The following RNF144A variants were observed in gnomAD, a reference collection of about 807,000 sequenced individuals.
The protein encoded by RNF144A is E3 ubiquitin-protein ligase RNF144A.
Under a neutral mutation model 38.7 loss-of-function variants are expected in RNF144A, and 11 were observed. The observed-to-expected ratio is 0.28, with a 90% CI of 0.18 to 0.47. The LOEUF (loss-of-function observed/expected upper bound fraction) is 0.47. RNF144A is among the 20% of genes least tolerant of loss of function. The pLI is 0.99. For missense variants in RNF144A, 316 were observed against 377.2 expected, an observed-to-expected ratio of 0.84 and a Z score of 1.34; for synonymous variants, 149 against 143.9, an observed-to-expected ratio of 1.04 and a Z score of -0.25.
At chr2:6,969,746 A>G (rs191690345) in intron 2 of RNF144A, among the ~76,000 whole-genome samples, 2 of 152,290 alleles carry the variant, frequency 1.3e-5, no homozygotes, top group African/African-American at 4.8e-5. Flanking sequence ...TTCATGCACA[A>G]AATTGTTACA....
intron 6 of RNF144A, among the ~76,000 whole-genome samples, chr2:7,054,346 A>T (rs549566223): frequency 2.1e-4 from 32 of 152,338 alleles, no homozygotes; most frequent in African/African-American, 7.5e-4. Flanking sequence ...ATATACATAC[A>T]TATGTACATA....
chr2:7,038,686 G>A (rs1021799479), intron 8 of RNF144A, among the ~76,000 whole-genome samples: 2 of 152,174 alleles, frequency 1.3e-5, no homozygotes, highest in African/African-American at 4.8e-5. Flanking sequence ...TGGATATATA[G>A]TGGGCAGATG....
intron 1 of RNF144A, among the ~76,000 whole-genome samples, chr2:6,926,971 A>G (rs746444619): frequency 3.9e-5 from 6 of 152,140 alleles, no homozygotes; most frequent in Non-Finnish European, 7.3e-5. Flanking sequence ...GGGAGAGTTT[A>G]CCGTTCTGGA....
chr2:7,018,065 G>A (rs1671256059), intron 5 of RNF144A, among the ~76,000 whole-genome samples: 1 of 152,204 alleles, frequency 6.6e-6, no homozygotes, highest in African/African-American at 2.4e-5. Context: ...TGAGCCAGGA[G>A]GGTGGACAGG....
chr2:6,965,212 T>G (rs1275164368), intron 2 of RNF144A, among the ~76,000 whole-genome samples: 5 of 152,166 alleles, frequency 3.3e-5, no homozygotes, highest in African/African-American at 7.2e-5. Flanking sequence ...TGCAGACACA[T>G]GCACTGGGAC....
At chr2:7,034,226 C>T (rs937336236) in intron 8 of RNF144A, among the ~76,000 whole-genome samples, 2 of 151,360 alleles carry the variant, frequency 1.3e-5, no homozygotes, top group African/African-American at 2.4e-5. Flanking sequence ...GATCCAAGAT[C>T]GTGCCACTGC....
rs1322041488 is a variant in RNF144A, at chr2:6,944,963, A to G, written c.-12+3816A>G. Reference sequence around the variant, plus strand: ...TAAAGCAGCCTCAATCCAGCCTTCAATGATTGAAGTAGCTAATTTTGAAAT... The same window carrying G: ...TAAAGCAGCCTCAATCCAGCCTTCAGTGATTGAAGTAGCTAATTTTGAAAT... On this transcript the variant is annotated intron_variant, in intron 2 of 8. Coordinates refer to ENST00000320892, the MANE Select transcript of RNF144A (RefSeq NM_014746.6). This position sits in a 1 kb window ranked among gnomAD's most constrained non-coding sequence, Gnocchi z 4.7. Among the ~76,000 whole-genome samples the G allele has an allele frequency of 6.6e-6, 1 of 152,224 alleles. No individual in the cohort carries two copies. Among genetic ancestry groups the G allele is most frequent in the African/African-American group, 2.4e-5 (1 of 41,478 alleles).
Position 7,000,163 on chromosome 2 carries a change from C to T in RNF144A, c.135+3102C>T, listed in dbSNP as rs545384745. On this transcript the variant is annotated intron_variant, in intron 3 of 8. Coordinates refer to ENST00000320892, the MANE Select transcript of RNF144A (RefSeq NM_014746.6). ...GTCACAAGAGCCTGTGCACATGTTC[C>T]AGGTGCTGTGCTAGGCCTTGGGAGC... Among the ~76,000 whole-genome samples the T allele has an allele frequency of 2.6e-5, 4 of 152,336 alleles. No individual in the cohort carries two copies. In the South Asian group the frequency reaches 6.2e-4, roughly 24 times the overall value.
chr2:6,929,474 A>G (rs1665077215), intron 1 of RNF144A, among the ~76,000 whole-genome samples: 1 of 152,190 alleles, frequency 6.6e-6, no homozygotes, highest in African/African-American at 2.4e-5. Context: ...TTCACTCTGG[A>G]ACTTTTCACT....
intron 2 of RNF144A, among the ~76,000 whole-genome samples, chr2:6,991,835 T>C (rs1207800127): frequency 6.6e-6 from 1 of 152,126 alleles, no homozygotes; most frequent in African/African-American, 2.4e-5. Flanking sequence ...TATATATATG[T>C]ATATATAATT....
rs559885913 is a variant in RNF144A at position 6,924,101 on chromosome 2, AG to A, written c.-212+6481del. Among the ~76,000 whole-genome samples, 264 of 152,362 alleles carry A rather than the reference AG, an allele frequency of 1.7e-3. 2 individuals are homozygous for A. Among genetic ancestry groups the A allele is most frequent in the African/African-American group, 5.8e-3 (242 of 41,584 alleles). ...TCCGAGTAAACCAGGTTCTCTCTTT[AG>A]GTCAGGTCACAGAACAATACACCTT... On this transcript the variant is annotated intron_variant, in intron 1 of 8. Coordinates refer to ENST00000320892, the MANE Select transcript of RNF144A (RefSeq NM_014746.6).
At chr2:6,932,843 A>G (rs996571675) in intron 1 of RNF144A, among the ~76,000 whole-genome samples, 1 of 152,234 alleles carries the variant, frequency 6.6e-6, no homozygotes, top group African/African-American at 2.4e-5. Context: ...AATTTGACAA[A>G]TATCTCCACT....
chr2:7,037,239 C>G (rs1039453424), intron 8 of RNF144A, among the ~76,000 whole-genome samples: 4 of 152,194 alleles, frequency 2.6e-5, no homozygotes, highest in Non-Finnish European at 5.9e-5. Context: ...ATTGGCAATA[C>G]GTTGGGTAAC....
Position 7,006,370 on chromosome 2 carries a change from A to T in RNF144A, c.136-8084A>T, listed in dbSNP as rs74679370. On this transcript the variant is annotated intron_variant, in intron 3 of 8. Coordinates refer to ENST00000320892, the MANE Select transcript of RNF144A (RefSeq NM_014746.6). ...ACAGTTTGTAACCTGATGACACAGG[A>T]TAAGTGGCAGGCCAGAAGATCTCAG... Among the ~76,000 whole-genome samples the T allele has an allele frequency of 2.8e-3, 433 of 152,320 alleles. 1 individual carries two copies. Among genetic ancestry groups the T allele is most frequent in the African/African-American group, 0.01 (424 of 41,574 alleles).
chr2:7,041,013 A>C lies in RNF144A; in HGVS notation c.*1253A>C, dbSNP rs925399324. 3.5e-5 allele frequency: 34 copies of C among 985,300 alleles called. No individual in the cohort carries two copies. The highest frequency in any genetic ancestry group is 1.2e-4 in the Admixed American group (2 of 16,278). 61.0% of individuals were successfully genotyped at this position (985,300 alleles called of 1,614,324 possible). The stretch of plus-strand genomic sequence containing the variant: ...AGGACACATACACATTATTCCACCA[A>C]TTGACTTTGAAAAGTGGAGAAAGTG... On this transcript the variant is annotated 3_prime_UTR_variant, in exon 9 of 9. Coordinates refer to ENST00000320892, the MANE Select transcript of RNF144A (RefSeq NM_014746.6).
At chr2:6,957,582 C>T (rs933638406) in intron 2 of RNF144A, among the ~76,000 whole-genome samples, 1 of 152,070 alleles carries the variant, frequency 6.6e-6, no homozygotes, top group African/African-American at 2.4e-5. Context: ...ATGGGTACCC[C>T]GCATGGTTTA....
chr2:6,930,733 A>G (rs1480754606), intron 1 of RNF144A, among the ~76,000 whole-genome samples: 1 of 152,112 alleles, frequency 6.6e-6, no homozygotes, highest in Non-Finnish European at 1.5e-5. Context: ...CTGGGACCAC[A>G]GGTGTGTGCC....
intron 1 of RNF144A, among the ~76,000 whole-genome samples, chr2:6,931,572 T>G (rs1352059339): frequency 6.6e-6 from 1 of 152,248 alleles, no homozygotes; most frequent in Non-Finnish European, 1.5e-5. Flanking sequence ...ATTTTTTTCC[T>G]AGTTTTCAGT....
chr2:6,922,805 T>A (rs901896833), intron 1 of RNF144A, among the ~76,000 whole-genome samples: 1 of 152,150 alleles, frequency 6.6e-6, no homozygotes, highest in Non-Finnish European at 1.5e-5. Context: ...TTTGTATTTT[T>A]AGTAGAGACG....
Sources: gnomAD v4.1 joint callset for allele counts (sites outside exome capture counted in the v4.1 genomes callset) on GRCh38, gnomAD v4.1.1 for gene constraint, Gnocchi (gnomAD v3.1) non-coding constraint, MANE v1.5 for transcripts, NCBI Gene and HGNC (gene_info 2026-07-23, HGNC 2026-07-21) for gene names.